The following METTL24 variants were observed in gnomAD, a reference collection of about 807,000 sequenced individuals.
METTL24 encodes probable methyltransferase-like protein 24.
Under a neutral mutation model 32.7 loss-of-function variants are expected in METTL24, and 29 were observed. The ratio of observed to expected loss-of-function variants is 0.89; its 90% CI spans 0.66 to 1.21. The LOEUF is 1.21. Among genes scored for constraint, METTL24 ranks in the 50% most tolerant of loss-of-function variants. METTL24 has a pLI of 0.00. For synonymous variants in METTL24, 163 were observed against 179.5 expected, an observed-to-expected ratio of 0.91 and a Z score of 0.73; for missense variants, 439 against 468.1, an observed-to-expected ratio of 0.94 and a Z score of 0.57.
intron 4 of METTL24, among the ~76,000 whole-genome samples, chr6:110,278,320 T>C: frequency 6.6e-6 from 1 of 152,208 alleles, no homozygotes; most frequent in East Asian, 1.9e-4. Context: ...ACACGAAAGC[T>C]AGAAGAGGCT....
At chr6:110,250,014 C>T (rs1432145599) in intron 4 of METTL24, among the ~76,000 whole-genome samples, 4 of 151,892 alleles carry the variant, frequency 2.6e-5, no homozygotes, top group African/African-American at 9.7e-5. Flanking sequence ...GGATTAAGAC[C>T]TGATGCCATC....
At position 110,358,161 on chromosome 6, in the gene METTL24, GC is replaced by G; in HGVS notation, c.111del (p.Ser40ProfsTer34). 1 of 1,209,362 alleles carries G rather than the reference GC, an allele frequency of 8.3e-7. No individual in the cohort carries two copies. Among genetic ancestry groups the G allele is most frequent in the African/African-American group, 1.6e-5 (1 of 62,872 alleles). 74.9% of individuals were successfully genotyped at this position (1,209,362 alleles called of 1,614,324 possible). Reference protein sequence around the residue: ...LRLCAELRRAGPGSPTRSAPP... With the variant: ...LRLCAELRRAXPGSPTRSAPP... ...GGGGCGCTGCGGGTGGGGGACCCGG[GC>G]CCGGCGCGCCGCAGCTCTGCGCAGA... On this transcript the variant is annotated frameshift_variant, in exon 1 of 5. Transcript: ENST00000338882. LOFTEE classifies it high-confidence loss of function.
At chr6:110,353,456 T>A (rs1001403839) in intron 1 of METTL24, among the ~76,000 whole-genome samples, 5 of 151,288 alleles carry the variant, frequency 3.3e-5, no homozygotes, top group Non-Finnish European at 1.5e-5. Context: ...TTGATGACAA[T>A]CACAGAATTA....
At chr6:110,260,332 A>G (rs561974387) in intron 4 of METTL24, among the ~76,000 whole-genome samples, 3 of 152,374 alleles carry the variant, frequency 2.0e-5, no homozygotes, top group African/African-American at 4.8e-5. Context: ...AAGCTTTATC[A>G]GCTGATTCGA....
At chr6:110,267,900 T>C (rs886112466) in intron 4 of METTL24, among the ~76,000 whole-genome samples, 7 of 150,726 alleles carry the variant, frequency 4.6e-5, no homozygotes, top group African/African-American at 7.3e-5. Context: ...CAGACTATTT[T>C]AAACAACCAG....
chr6:110,265,119 A>G (rs888851835), intron 4 of METTL24, among the ~76,000 whole-genome samples: 2 of 147,682 alleles, frequency 1.4e-5, no homozygotes, highest in Non-Finnish European at 3.0e-5. Flanking sequence ...CTTAAAGTAT[A>G]ATAAAAAAGG....
Position 110,245,907 on chromosome 6 carries a change from T to C in METTL24, c.*39A>G, listed in dbSNP as rs752511300. 1 of 1,549,050 alleles carries C rather than the reference T, an allele frequency of 6.5e-7. No homozygotes were observed. Among genetic ancestry groups the C allele is most frequent in the Non-Finnish European group, 8.8e-7 (1 of 1,141,750 alleles). ...TTAGAATTATGGACATGCTGCATTC[T>C]GCAAATATTTTCTTGTGCTCTTGAT... On this transcript the variant is annotated 3_prime_UTR_variant, in exon 5 of 5. Coordinates refer to ENST00000338882, the MANE Select transcript of METTL24 (RefSeq NM_001123364.3).
At chr6:110,310,930 G>A (rs78886863) in intron 3 of METTL24, among the ~76,000 whole-genome samples, 1,538 of 152,228 alleles carry the variant, frequency 0.01, 21 homozygotes, top group African/African-American at 0.035. Flanking sequence ...CATTGTCTTC[G>A]GTTTGCCTGG....
At chr6:110,352,437 G>A (rs969684459) in intron 1 of METTL24, among the ~76,000 whole-genome samples, 7 of 152,122 alleles carry the variant, frequency 4.6e-5, no homozygotes, top group African/African-American at 9.7e-5. Context: ...AATAAAATTC[G>A]TGGGCCAAAT....
chr6:110,355,122 T>C (rs537463214), intron 1 of METTL24, among the ~76,000 whole-genome samples: 1 of 152,212 alleles, frequency 6.6e-6, no homozygotes, highest in East Asian at 1.9e-4. Context: ...CCATCCGAAA[T>C]GGATTATCAG....
Position 110,299,151 on chromosome 6 carries a change from C to G in METTL24, c.558-1G>C, listed in dbSNP as rs1771477469. On this transcript the variant is annotated splice_acceptor_variant, in intron 3 of 4. Transcript: ENST00000338882. LOFTEE classifies it high-confidence loss of function. ...AAAATGGGTATCATCACTTCCTAGC[C>G]TATAAAGAAAGAGGACGGAAATCAA... 4 of 1,612,640 alleles carry G rather than the reference C, an allele frequency of 2.5e-6. No individual in the cohort carries two copies. The highest frequency in any genetic ancestry group is 2.5e-6 in the Non-Finnish European group (3 of 1,179,442).
chr6:110,308,142 AT>A (rs1168379753), intron 3 of METTL24, among the ~76,000 whole-genome samples: 3 of 152,166 alleles, frequency 2.0e-5, no homozygotes, highest in Non-Finnish European at 4.4e-5. Context: ...GGGAGATGTC[AT>A]TTCCATCATA....
chr6:110,251,067 A>C (rs937686997), intron 4 of METTL24, among the ~76,000 whole-genome samples: 1 of 152,216 alleles, frequency 6.6e-6, no homozygotes, highest in Non-Finnish European at 1.5e-5. Flanking sequence ...TCTGGGAGTC[A>C]CAAACGTCAC....
At chr6:110,270,411 T>TA (rs371975603) in intron 4 of METTL24, among the ~76,000 whole-genome samples, 10 of 151,956 alleles carry the variant, frequency 6.6e-5, no homozygotes, top group African/African-American at 2.4e-4. Flanking sequence ...AAACAAAGGG[T>TA]AGAATGCAGC....
chr6:110,261,863 A>C (rs932615711), intron 4 of METTL24, among the ~76,000 whole-genome samples: 4 of 152,214 alleles, frequency 2.6e-5, no homozygotes, highest in African/African-American at 9.7e-5. Flanking sequence ...CTCCTGAATG[A>C]CTACTGGGTA....
chr6:110,316,846 C>G (rs1252267387), intron 2 of METTL24, among the ~76,000 whole-genome samples: 1 of 152,028 alleles, frequency 6.6e-6, no homozygotes, highest in Non-Finnish European at 1.5e-5. Flanking sequence ...ATGATTGTGC[C>G]TCTACACTCC....
rs368568300 is a variant in METTL24, at chr6:110,306,306, AAAAT to A, written c.558-7160_558-7157del. Among the ~76,000 whole-genome samples, 132 of 151,862 alleles carry A rather than the reference AAAAT, an allele frequency of 8.7e-4. No individual in the cohort carries two copies. In the East Asian group the frequency reaches 0.012, roughly 14 times the overall value. On this transcript the variant is annotated intron_variant, in intron 3 of 4. Transcript: ENST00000338882. Reference sequence around the variant, plus strand: ...TGTGTCCCAGAACTTAAAGTATAATAAAATAAATAAATAAATAAATATTATTTAA... The same window carrying A: ...TGTGTCCCAGAACTTAAAGTATAATAAAATAAATAAATAAATATTATTTAA...
Position 110,245,854 on chromosome 6 carries a change from G to A in METTL24, c.*92C>T. 1 of 1,296,814 alleles carries A rather than the reference G, an allele frequency of 7.7e-7. No homozygotes were observed. Among genetic ancestry groups the A allele is most frequent in the Non-Finnish European group, 1.1e-6 (1 of 932,836 alleles). 80.3% of individuals were successfully genotyped at this position (1,296,814 alleles called of 1,614,324 possible). A position where few individuals can be genotyped will look rare whatever the true frequency, so the allele number is the denominator to read the frequency against. On this transcript the variant is annotated 3_prime_UTR_variant, in exon 5 of 5. Coordinates refer to ENST00000338882, the MANE Select transcript of METTL24 (RefSeq NM_001123364.3). ...CCTGCCTCAAGCAGGGCACAGGCTA[G>A]CAGGAGACTGGATGAGTAAACTCAT...
At chr6:110,336,083 A>G (rs1466808661) in intron 1 of METTL24, among the ~76,000 whole-genome samples, 3 of 152,236 alleles carry the variant, frequency 2.0e-5, no homozygotes, top group Non-Finnish European at 4.4e-5. Context: ...TCTCCAGAAG[A>G]TACAGAACAC....
Sources: allele counts gnomAD v4.1 joint callset (sites outside exome capture counted in the v4.1 genomes callset), GRCh38; gene constraint gnomAD v4.1.1; transcripts MANE v1.5; gene names NCBI Gene and HGNC (gene_info 2026-07-23, HGNC 2026-07-21).